Variants in CACNA2D3 observed in about 807,000 individuals in gnomAD.
CACNA2D3 encodes voltage-dependent calcium channel subunit alpha-2/delta-3.
Under a neutral mutation model 160.6 loss-of-function variants are expected in CACNA2D3, and 60 were observed. The observed-to-expected ratio is 0.37, with a 90% CI of 0.30 to 0.46. The LOEUF is 0.46. Among genes scored for constraint, CACNA2D3 ranks in the 20% least tolerant of loss-of-function variants. The pLI, the probability that CACNA2D3 is intolerant of heterozygous loss-of-function variation, is 1.00. For missense variants in CACNA2D3, 1,205 were observed against 1,365.0 expected (o/e 0.88, Z 1.85); for synonymous variants, 558 against 492.9 (o/e 1.13, Z -1.75).
At chr3:54,789,717 A>G (rs1317750741) in intron 13 of CACNA2D3, 4 of 450,966 alleles carry the variant, frequency 8.9e-6, no homozygotes, top group Middle Eastern at 4.9e-4. Flanking sequence ...AATTCTAGGT[A>G]TATGAGTTGT....
intron 27 of CACNA2D3, chr3:54,924,897 G>C: frequency 6.2e-7 from 1 of 1,613,760 alleles, no homozygotes. Context: ...GGAAAGGAGT[G>C]AATTCTGGGT....
At position 54,803,767 on chromosome 3, in the gene CACNA2D3, G is replaced by A. The variant is rs1703050080; in HGVS notation, c.1381-13086G>A. Among the ~76,000 whole-genome samples the A allele has an allele frequency of 2.6e-5, 4 of 152,174 alleles. No individual in the cohort carries two copies. In the South Asian group the frequency reaches 6.2e-4, roughly 24 times the overall value. ...ACACATAATTGTCAGATTCACCAAA[G>A]TGGAAATGAAGGAAAAAATGTTAAG... On this transcript the variant is annotated intron_variant, in intron 13 of 37. Transcript: ENST00000474759.
At chr3:54,556,418 A>T (rs1027483567) in intron 5 of CACNA2D3, among the ~76,000 whole-genome samples, 17 of 152,292 alleles carry the variant, frequency 1.1e-4, no homozygotes, top group African/African-American at 4.1e-4. Flanking sequence ...AGCACCAGAG[A>T]TTAAGAGACG....
chr3:54,128,009 C>T (rs970983406), intron 2 of CACNA2D3, among the ~76,000 whole-genome samples: 6 of 151,876 alleles, frequency 4.0e-5, no homozygotes, highest in South Asian at 2.1e-4. Flanking sequence ...GGAACTGCTG[C>T]GGCCTGTGTT....
chr3:54,168,202 A>G (rs917336244), intron 2 of CACNA2D3, among the ~76,000 whole-genome samples: 6 of 152,214 alleles, frequency 3.9e-5, no homozygotes, highest in Admixed American at 2.6e-4. Context: ...GGCTGGTGGA[A>G]ATGAGGTCAG....
chr3:54,156,494 T>A (rs1700246753), intron 2 of CACNA2D3, among the ~76,000 whole-genome samples: 2 of 152,198 alleles, frequency 1.3e-5, no homozygotes, highest in Non-Finnish European at 2.9e-5. Flanking sequence ...GCTACACCCG[T>A]AGTGCCTATT....
At chr3:54,819,904 A>C (rs561913241) in intron 14 of CACNA2D3, among the ~76,000 whole-genome samples, 11 of 152,270 alleles carry the variant, frequency 7.2e-5, no homozygotes, top group African/African-American at 2.6e-4. Flanking sequence ...TTCTTCATGT[A>C]GTCAGAAAGA....
At chr3:54,652,095 T>C (rs1699776402) in intron 11 of CACNA2D3, among the ~76,000 whole-genome samples, 1 of 152,202 alleles carries the variant, frequency 6.6e-6, no homozygotes, top group African/African-American at 2.4e-5. Flanking sequence ...AAGATCATAC[T>C]GTGCCCAGAG....
At chr3:54,666,387 G>A (rs1700069764) in intron 11 of CACNA2D3, among the ~76,000 whole-genome samples, 1 of 152,202 alleles carries the variant, frequency 6.6e-6, no homozygotes, top group Admixed American at 6.5e-5. Context: ...ACAAAGCTCT[G>A]CCTAGGTTTC....
chr3:54,286,131 G>A (rs369588782), intron 2 of CACNA2D3, among the ~76,000 whole-genome samples: 1 of 152,156 alleles, frequency 6.6e-6, no homozygotes, highest in Admixed American at 6.5e-5. Context: ...AAACTACTCC[G>A]AGCTACAGGA....
At chr3:54,565,213 T>C (rs1344450645) in intron 6 of CACNA2D3, among the ~76,000 whole-genome samples, 1 of 152,162 alleles carries the variant, frequency 6.6e-6, no homozygotes, top group African/African-American at 2.4e-5. Flanking sequence ...TTGCCTAGAC[T>C]GCATCCCCAA....
At chr3:54,718,032 T>C (rs1435969790) in intron 11 of CACNA2D3, among the ~76,000 whole-genome samples, 1 of 152,208 alleles carries the variant, frequency 6.6e-6, no homozygotes, top group African/African-American at 2.4e-5. Flanking sequence ...GCTATGCCTA[T>C]GTATTTTTTG....
intron 2 of CACNA2D3, among the ~76,000 whole-genome samples, chr3:54,216,299 T>G (rs545176862): frequency 3.9e-5 from 6 of 152,258 alleles, no homozygotes; most frequent in Non-Finnish European, 8.8e-5. Flanking sequence ...GTATCAATCT[T>G]CTTGCAATAA....
intron 4 of CACNA2D3, among the ~76,000 whole-genome samples, chr3:54,449,514 A>T (rs529610509): frequency 1.3e-5 from 2 of 152,298 alleles, no homozygotes; most frequent in Non-Finnish European, 2.9e-5. Flanking sequence ...TATGGTTTGG[A>T]TCTGTGTTCC....
intron 17 of CACNA2D3, among the ~76,000 whole-genome samples, chr3:54,847,525 A>G (rs1052021302): frequency 1.3e-5 from 2 of 152,208 alleles, no homozygotes; most frequent in African/African-American, 4.8e-5. Flanking sequence ...ATTGTTTAGA[A>G]ACAGTTCATG....
chr3:55,034,663 A>T (rs779885722), intron 35 of CACNA2D3, among the ~76,000 whole-genome samples: 1 of 152,052 alleles, frequency 6.6e-6, no homozygotes, highest in Non-Finnish European at 1.5e-5. Context: ...GAACAATATT[A>T]TAAATACTAT....
chr3:54,627,309 G>T (rs908752826), intron 9 of CACNA2D3, among the ~76,000 whole-genome samples: 2 of 152,158 alleles, frequency 1.3e-5, no homozygotes, highest in Non-Finnish European at 2.9e-5. Context: ...AGAGGCTGGT[G>T]CTCTGAGAAT....
intron 13 of CACNA2D3, among the ~76,000 whole-genome samples, chr3:54,794,152 A>G (rs1702818982): frequency 6.6e-6 from 1 of 152,056 alleles, no homozygotes; most frequent in South Asian, 2.1e-4. Flanking sequence ...TTATGTTTTT[A>G]TTCTTTTTCT....
intron 27 of CACNA2D3, chr3:54,918,482 G>T: frequency 6.2e-7 from 1 of 1,613,554 alleles, no homozygotes; most frequent in African/African-American, 1.3e-5. Context: ...CTGTCAAATC[G>T]CTCTTTTTCT....
Sources: gnomAD v4.1 joint callset for allele counts (sites outside exome capture counted in the v4.1 genomes callset) on GRCh38, gnomAD v4.1.1 for gene constraint, MANE v1.5 for transcripts, NCBI Gene and HGNC (gene_info 2026-07-23, HGNC 2026-07-21) for gene names.